The following GRK5 variants were observed in gnomAD, a reference collection of about 807,000 sequenced individuals.
The protein encoded by GRK5 is G protein-coupled receptor kinase 5.
In GRK5, 40 loss-of-function variants were observed where a neutral mutation model predicts 78.4. That is an observed-to-expected ratio of 0.51 (90% CI 0.40 to 0.66). GRK5 has a LOEUF of 0.66. Ranked by LOEUF, GRK5 falls within the 30% of genes least tolerant of loss-of-function variation. The pLI, the probability that GRK5 is intolerant of heterozygous loss-of-function variation, is 0.00. For missense variants in GRK5, 598 were observed against 759.9 expected, an observed-to-expected ratio of 0.79 and a Z score of 2.50; for synonymous variants, 289 against 296.8, an observed-to-expected ratio of 0.97 and a Z score of 0.27.
chr10:119,296,056 G>T (rs1378105991), intron 1 of GRK5, among the ~76,000 whole-genome samples: 2 of 152,212 alleles, frequency 1.3e-5, no homozygotes, highest in Non-Finnish European at 2.9e-5. Flanking sequence ...TCCCACATTA[G>T]AAGAAGTCTG....
At chr10:119,343,263 A>G (rs1028207231) in intron 2 of GRK5, among the ~76,000 whole-genome samples, 4 of 151,832 alleles carry the variant, frequency 2.6e-5, no homozygotes, top group Admixed American at 2.6e-4. Flanking sequence ...AAGTGAACAG[A>G]TGAGAGAGAG....
At chr10:119,266,186 A>G (rs957659452) in intron 1 of GRK5, among the ~76,000 whole-genome samples, 1 of 152,154 alleles carries the variant, frequency 6.6e-6, no homozygotes, top group African/African-American at 2.4e-5. Context: ...ATGGGCGCGA[A>G]GGCTCACACC....
intron 1 of GRK5, among the ~76,000 whole-genome samples, chr10:119,257,422 T>G (rs1849307103): frequency 6.6e-6 from 1 of 152,204 alleles, no homozygotes; most frequent in Non-Finnish European, 1.5e-5. Flanking sequence ...AGTATGTCTA[T>G]TTCAAAAGTG....
intron 1 of GRK5, among the ~76,000 whole-genome samples, chr10:119,277,722 A>G (rs1849692159): frequency 6.6e-6 from 1 of 152,202 alleles, no homozygotes; most frequent in Non-Finnish European, 1.5e-5. Flanking sequence ...CTGCCCTGTC[A>G]TCCCTTCCTG....
chr10:119,219,514 C>T (rs1249420974), intron 1 of GRK5, among the ~76,000 whole-genome samples: 1 of 152,062 alleles, frequency 6.6e-6, no homozygotes, highest in African/African-American at 2.4e-5. Flanking sequence ...GATACTCAAC[C>T]TGTATTTATG....
chr10:119,360,169 A>C (rs1443546274), intron 2 of GRK5, among the ~76,000 whole-genome samples: 1 of 151,730 alleles, frequency 6.6e-6, no homozygotes, highest in African/African-American at 2.4e-5. Flanking sequence ...AAGTTGAGGG[A>C]GGCTGAGGCT....
At chr10:119,208,530 T>C (rs1848428019) in intron 1 of GRK5, 1 of 153,376 alleles carries the variant, frequency 6.5e-6, no homozygotes, top group Non-Finnish European at 1.5e-5. Context: ...AGCCTTTTCA[T>C]AGAATTATCA....
Position 119,452,249 on chromosome 10 carries a change from C to T in GRK5, c.1405-422C>T, listed in dbSNP as rs1199032271. Among the ~76,000 whole-genome samples the T allele has an allele frequency of 6.6e-6, 1 of 152,156 alleles. No homozygotes were observed. The highest frequency in any genetic ancestry group is 1.5e-5 in the Non-Finnish European group (1 of 68,020). ...TAGGCCTCAGGGGATATGAGACTTC[C>T]CCAAAGTTCCTAAGCCCCACAGCTG... is the stretch of plus-strand genomic sequence containing the variant. On this transcript the variant is annotated intron_variant, in intron 13 of 15. Coordinates refer to ENST00000392870, the MANE Select transcript of GRK5 (RefSeq NM_005308.3). This position sits in a 1 kb window ranked among gnomAD's most constrained non-coding sequence, Gnocchi z 4.4.
At chr10:119,299,471 C>T (rs1010208059) in intron 1 of GRK5, among the ~76,000 whole-genome samples, 2 of 151,838 alleles carry the variant, frequency 1.3e-5, no homozygotes, top group African/African-American at 2.4e-5. Flanking sequence ...CCAGGAGAGA[C>T]AGTAAAATCC....
chr10:119,397,262 C>T (rs1482060551), intron 4 of GRK5, among the ~76,000 whole-genome samples: 1 of 152,170 alleles, frequency 6.6e-6, no homozygotes, highest in Non-Finnish European at 1.5e-5. Context: ...AGGGGCCACC[C>T]CGACCCCACC....
At chr10:119,246,100 C>A (rs1382371679) in intron 1 of GRK5, among the ~76,000 whole-genome samples, 2 of 142,878 alleles carry the variant, frequency 1.4e-5, no homozygotes, top group African/African-American at 5.2e-5. Flanking sequence ...TTTTTAAAAT[C>A]ACAATAAAAA....
intron 1 of GRK5, among the ~76,000 whole-genome samples, chr10:119,230,702 G>A (rs1350497927): frequency 6.6e-6 from 1 of 151,982 alleles, no homozygotes; most frequent in Non-Finnish European, 1.5e-5. Flanking sequence ...GCCAGGTGTG[G>A]TGGTGTGCAC....
chr10:119,348,998 G>A (rs1851147990), intron 2 of GRK5, among the ~76,000 whole-genome samples: 1 of 152,202 alleles, frequency 6.6e-6, no homozygotes, highest in East Asian at 1.9e-4. Context: ...ATGTTGGCAA[G>A]AAATGAGAGT....
intron 4 of GRK5, among the ~76,000 whole-genome samples, chr10:119,416,845 C>T (rs1286880746): frequency 6.6e-6 from 1 of 152,234 alleles, no homozygotes; most frequent in African/African-American, 2.4e-5. Flanking sequence ...CCACACACCT[C>T]GGCCTGCCGA....
At chr10:119,337,315 C>T (rs1850907638) in intron 2 of GRK5, among the ~76,000 whole-genome samples, 1 of 152,178 alleles carries the variant, frequency 6.6e-6, no homozygotes, top group Admixed American at 6.5e-5. Flanking sequence ...AGGCTCTCTC[C>T]CCTACTGCGT....
intron 2 of GRK5, among the ~76,000 whole-genome samples, chr10:119,341,856 A>G (rs1029569784): frequency 2.0e-5 from 3 of 152,162 alleles, no homozygotes; most frequent in African/African-American, 7.2e-5. Context: ...AGTCCTGGAA[A>G]TGTGGACTGA....
intron 2 of GRK5, among the ~76,000 whole-genome samples, chr10:119,371,004 A>G (rs1851537752): frequency 7.9e-6 from 1 of 125,942 alleles, no homozygotes; most frequent in Admixed American, 8.3e-5. Flanking sequence ...AACCTTTACA[A>G]TCAACATGTG....
chr10:119,320,577 C>T (rs150598779), intron 1 of GRK5, among the ~76,000 whole-genome samples: 64 of 152,256 alleles, frequency 4.2e-4, no homozygotes, highest in African/African-American at 1.3e-3. Flanking sequence ...CAACCGAGCT[C>T]AGAGGAGACC....
chr10:119,314,550 A>T (rs561104262), intron 1 of GRK5, among the ~76,000 whole-genome samples: 3 of 152,330 alleles, frequency 2.0e-5, no homozygotes, highest in African/African-American at 7.2e-5. Context: ...CAGCTAGGAA[A>T]GTGCGGGATA....
Sources: gnomAD v4.1 joint callset for allele counts (sites outside exome capture counted in the v4.1 genomes callset) on GRCh38, gnomAD v4.1.1 for gene constraint, Gnocchi (gnomAD v3.1) non-coding constraint, MANE v1.5 for transcripts, NCBI Gene and HGNC (gene_info 2026-07-23, HGNC 2026-07-21) for gene names.